The following COG5 variants were observed in gnomAD, a reference collection of about 807,000 sequenced individuals.
COG5 encodes component of oligomeric golgi complex 5.
COG5 carries 86 observed loss-of-function variants against 110.4 expected under a neutral mutation model. The observed-to-expected ratio is 0.78, with a 90% CI of 0.65 to 0.93. The LOEUF (loss-of-function observed/expected upper bound fraction) is 0.93, where lower values mean the gene tolerates loss of function less well. COG5 is among the 40% of genes least tolerant of loss of function. COG5 has a pLI of 0.00. For missense variants in COG5, 1,077 were observed against 987.0 expected (o/e 1.09, Z -1.22); for synonymous variants, 360 against 334.6 (o/e 1.08, Z -0.83).
chr7:107,474,320 T>A lies in COG5; in HGVS notation c.538+52917A>T, dbSNP rs1463813855. 6.2e-7 allele frequency: 1 copy of A among 1,611,956 alleles called. No individual in the cohort carries two copies. Among genetic ancestry groups the A allele is most frequent in the Non-Finnish European group, 8.5e-7 (1 of 1,178,194 alleles). Reference sequence around the variant, plus strand: ...ATTATTACAATGAATCTTCATGTACTTGATGTAATAATTTGTGTGGGATGT... The same window carrying A: ...ATTATTACAATGAATCTTCATGTACATGATGTAATAATTTGTGTGGGATGT... On this transcript the variant is annotated intron_variant, in intron 6 of 21. Transcript: ENST00000297135. This position sits in a 1 kb window ranked among gnomAD's most constrained non-coding sequence, Gnocchi z 5.7.
At chr7:107,246,236 A>G (rs949634571) in intron 17 of COG5, among the ~76,000 whole-genome samples, 2 of 152,214 alleles carry the variant, frequency 1.3e-5, no homozygotes, top group African/African-American at 2.4e-5. Context: ...AAATACTTAC[A>G]TGCAAAACCC....
chr7:107,445,989 T>C (rs1269745404), intron 6 of COG5, among the ~76,000 whole-genome samples: 3 of 152,204 alleles, frequency 2.0e-5, no homozygotes, highest in Non-Finnish European at 2.9e-5. Flanking sequence ...AAAGACCTCA[T>C]TGAGAATAGT....
intron 10 of COG5, among the ~76,000 whole-genome samples, chr7:107,325,414 G>A (rs1372995798): frequency 1.3e-5 from 2 of 152,170 alleles, no homozygotes; most frequent in African/African-American, 4.8e-5. Flanking sequence ...ACTTTGGGAG[G>A]CCAAGGCGGA....
rs370292005 is a variant in COG5 at position 107,541,224 on chromosome 7, C to T, written c.417+6887G>A. Among the ~76,000 whole-genome samples, 12 of 151,234 alleles carry T rather than the reference C, an allele frequency of 7.9e-5. 1 individual carries two copies. In the East Asian group the frequency reaches 1.2e-3, roughly 15 times the overall value. ...TGAAAACATGAATGTCAGCCGGACA[C>T]AGTGGCTCATACTTGTAATTCCAGC... On this transcript the variant is annotated intron_variant, in intron 5 of 21. Coordinates refer to ENST00000297135, the MANE Select transcript of COG5 (RefSeq NM_006348.5).
At chr7:107,311,922 C>T (rs375741641) in intron 11 of COG5, among the ~76,000 whole-genome samples, 1 of 151,740 alleles carries the variant, frequency 6.6e-6, no homozygotes, top group East Asian at 1.9e-4. Context: ...AGAAAATTTT[C>T]CCCCGATTCC....
At chr7:107,484,847 G>T (rs902645148) in intron 6 of COG5, among the ~76,000 whole-genome samples, 1 of 152,136 alleles carries the variant, frequency 6.6e-6, no homozygotes, top group Non-Finnish European at 1.5e-5. Flanking sequence ...ATAGATTCTT[G>T]AATGTTAAAA....
intron 19 of COG5, among the ~76,000 whole-genome samples, chr7:107,222,718 A>G (rs1800029479): frequency 6.6e-6 from 1 of 152,244 alleles, no homozygotes; most frequent in African/African-American, 2.4e-5. Context: ...TAAAAAATAA[A>G]TAACCATCTA....
intron 18 of COG5, among the ~76,000 whole-genome samples, chr7:107,232,115 A>C (rs978416547): frequency 6.6e-6 from 1 of 152,234 alleles, no homozygotes; most frequent in East Asian, 1.9e-4. Flanking sequence ...CTAGAAGGAA[A>C]CCTTATATGG....
Position 107,474,869 on chromosome 7 carries a change from A to G in COG5, c.538+52368T>C. On this transcript the variant is annotated intron_variant, in intron 6 of 21. Coordinates refer to ENST00000297135, the MANE Select transcript of COG5 (RefSeq NM_006348.5). The surrounding 1 kb of genome is among the most constrained non-coding windows in gnomAD (Gnocchi z 5.7). ...CTAACCACACAACATGAGGCTACAG[A>G]CATGTCACAAAGCAGTGGTGGGAGA... is the stretch of plus-strand genomic sequence containing the variant. The G allele has an allele frequency of 6.2e-7, 1 of 1,613,200 alleles. No individual in the cohort carries two copies. Among genetic ancestry groups the G allele is most frequent in the Non-Finnish European group, 8.5e-7 (1 of 1,179,470 alleles).
chr7:107,404,885 G>GAAAAAAAAAAAAAAAAAAAAAAA, intron 7 of COG5, among the ~76,000 whole-genome samples: 1 of 32,402 alleles, frequency 3.1e-5, no homozygotes, highest in East Asian at 9.4e-4. Flanking sequence ...TTCAGAAGAT[G>GAAAAAAAAAAAAAAAAAAAAAAA]AAAAAAAAAA....
intron 12 of COG5, among the ~76,000 whole-genome samples, chr7:107,289,574 C>A (rs779953445): frequency 6.6e-6 from 1 of 152,054 alleles, no homozygotes; most frequent in African/African-American, 2.4e-5. Flanking sequence ...TGTACTGAAT[C>A]GATATATATC....
At chr7:107,430,829 G>C (rs1427594578) in intron 6 of COG5, among the ~76,000 whole-genome samples, 1 of 152,038 alleles carries the variant, frequency 6.6e-6, no homozygotes, top group African/African-American at 2.4e-5. Flanking sequence ...TCTTGAGATG[G>C]GGAGGTTATC....
intron 6 of COG5, among the ~76,000 whole-genome samples, chr7:107,506,506 T>C (rs550410834): frequency 6.6e-6 from 1 of 152,116 alleles, no homozygotes; most frequent in African/African-American, 2.4e-5. Flanking sequence ...ACTGGGGTAA[T>C]GTTCCAGAGA....
chr7:107,260,958 T>C (rs543769202), intron 14 of COG5, among the ~76,000 whole-genome samples: 1 of 150,868 alleles, frequency 6.6e-6, no homozygotes, highest in South Asian at 2.1e-4. Flanking sequence ...TGTTTGTTTG[T>C]TTTTGTTTTT....
At chr7:107,445,107 C>G (rs1037174430) in intron 6 of COG5, among the ~76,000 whole-genome samples, 2 of 151,856 alleles carry the variant, frequency 1.3e-5, no homozygotes, top group African/African-American at 4.8e-5. Context: ...CTTCCAGGAG[C>G]CCAGGAGTTC....
At chr7:107,255,015 A>T (rs945134523) in intron 16 of COG5, among the ~76,000 whole-genome samples, 4 of 152,212 alleles carry the variant, frequency 2.6e-5, no homozygotes, top group Non-Finnish European at 5.9e-5. Flanking sequence ...ATGTGTATAG[A>T]AGTACACTTT....
intron 3 of COG5, among the ~76,000 whole-genome samples, chr7:107,548,813 C>T (rs1802661357): frequency 6.6e-6 from 1 of 152,192 alleles, no homozygotes; most frequent in African/African-American, 2.4e-5. Flanking sequence ...CTACAACTCT[C>T]TAGGCTTACA....
chr7:107,329,722 C>T (rs535081958), intron 10 of COG5, among the ~76,000 whole-genome samples: 13 of 151,370 alleles, frequency 8.6e-5, no homozygotes, highest in African/African-American at 1.5e-4. Flanking sequence ...AGACCCCCCC[C>T]GTTTCTACAC....
intron 6 of COG5, among the ~76,000 whole-genome samples, chr7:107,502,748 C>T (rs886278444): frequency 4.4e-4 from 67 of 152,270 alleles, no homozygotes; most frequent in Middle Eastern, 3.4e-3. Flanking sequence ...TTTTAATTTG[C>T]ATTTCTCTAA....
Sources: gnomAD v4.1 joint callset for allele counts (sites outside exome capture counted in the v4.1 genomes callset) on GRCh38, gnomAD v4.1.1 for gene constraint, Gnocchi (gnomAD v3.1) non-coding constraint, MANE v1.5 for transcripts, NCBI Gene and HGNC (gene_info 2026-07-23, HGNC 2026-07-21) for gene names.